Variants in DDX19A observed in about 807,000 individuals in gnomAD.
DDX19A encodes DEAD-box helicase 19A.
Under a neutral mutation model 60.6 loss-of-function variants are expected in DDX19A, and 12 were observed. That is an observed-to-expected ratio of 0.20 (90% CI 0.13 to 0.32). DDX19A has a LOEUF of 0.32. DDX19A is among the 10% of genes least tolerant of loss of function. DDX19A has a pLI of 1.00. For synonymous variants in DDX19A, 206 were observed against 218.2 expected (o/e 0.94, Z 0.49); for missense variants, 337 against 600.6 (o/e 0.56, Z 4.59).
Position 70,366,819 on chromosome 16 carries a change from C to G in DDX19A, c.978C>G (p.Leu326=), listed in dbSNP as rs762032339. 7.4e-6 allele frequency: 12 copies of G among 1,614,068 alleles called. No homozygotes were observed. The highest frequency in any genetic ancestry group is 1.0e-5 in the Non-Finnish European group (12 of 1,179,932). The change falls in exon 9 of 12, where the codon CTC becomes CTG. Residue 326 remains leucine (L), a synonymous_variant. Coordinates refer to ENST00000302243, the MANE Select transcript of DDX19A (RefSeq NM_018332.5). ...AGAAGTTCCAGGCCTTGTGTAACCT[C>G]TACGGGGCCATCACCATTGCTCAAG... ...RDEKFQALCN[L]YGAITIAQAM...
At chr16:70,362,205 A>T (rs1964383469) in intron 5 of DDX19A, among the ~76,000 whole-genome samples, 1 of 148,568 alleles carries the variant, frequency 6.7e-6, no homozygotes, top group South Asian at 2.1e-4. Context: ...AAAATACAAC[A>T]ATTAGCCTGG....
chr16:70,356,393 G>T, intron 4 of DDX19A, 146 bp downstream of exon 4: 4 of 1,311,004 alleles, frequency 3.1e-6, no homozygotes, highest in Non-Finnish European at 4.1e-6. Context: ...TTTCGCTCCT[G>T]TTGCCCAGCC....
rs775133048 is a variant in DDX19A, at chr16:70,372,027, C to G, written c.*41C>G. 2 of 1,613,906 alleles carry G rather than the reference C, an allele frequency of 1.2e-6. No homozygotes were observed. Among genetic ancestry groups the G allele is most frequent in the East Asian group, 2.2e-5 (1 of 44,884 alleles). On this transcript the variant is annotated 3_prime_UTR_variant, in exon 12 of 12. Transcript: ENST00000302243. ...ACTGATGCCAGCCCTGGCACTGCCCCTGCACAGGAGACAAGTGCATTTAGG... is the reference window on the plus strand; with the variant it reads ...ACTGATGCCAGCCCTGGCACTGCCCGTGCACAGGAGACAAGTGCATTTAGG...
intron 4 of DDX19A, chr16:70,356,776 T>C: frequency 1.3e-6 from 1 of 783,930 alleles, no homozygotes; most frequent in Non-Finnish European, 1.8e-6. Context: ...CCTGTTCTCT[T>C]GGTAGGAATT....
intron 5 of DDX19A, 70 bp downstream of exon 5, chr16:70,361,580 G>C: frequency 7.7e-7 from 1 of 1,297,128 alleles, no homozygotes; most frequent in Non-Finnish European, 1.1e-6. Context: ...GCGTTTTTGT[G>C]CCTGAGAACA....
chr16:70,368,936 G>A (rs770373480), intron 9 of DDX19A, among the ~76,000 whole-genome samples: 55 of 152,102 alleles, frequency 3.6e-4, no homozygotes, highest in East Asian at 7.7e-4. Context: ...GTGCAATCTC[G>A]GTTCACCACA....
At chr16:70,371,638 C>T (rs952598076) in intron 11 of DDX19A, 75 bp downstream of exon 11, 13 of 766,286 alleles carry the variant, frequency 1.7e-5, no homozygotes, top group Non-Finnish European at 2.7e-5. Context: ...GTAGGATCTT[C>T]TGTAGCCCCA....
chr16:70,356,843 TA>T (rs1398501103), intron 4 of DDX19A: 6 of 1,249,270 alleles, frequency 4.8e-6, no homozygotes, highest in Non-Finnish European at 6.2e-6. Context: ...CTTATACTCT[TA>T]GAACTTTCAA....
At chr16:70,366,525 C>A in intron 8 of DDX19A, 99 bp from the exon 9 acceptor site, 1 of 1,511,582 alleles carries the variant, frequency 6.6e-7, no homozygotes, top group Non-Finnish European at 9.0e-7. Flanking sequence ...CCTCCCCCAT[C>A]AGCCTTCCTG....
At chr16:70,355,909 C>A in intron 3 of DDX19A, 1 of 662,526 alleles carries the variant, frequency 1.5e-6, no homozygotes, top group Non-Finnish European at 2.5e-6. Context: ...CTACAGTGAG[C>A]TCTGATTGCT....
In DDX19A at chr16:70,366,560, G is replaced by A. The variant is rs572392087; in HGVS notation, c.783-64G>A. The A allele has an allele frequency of 3.3e-4, 533 of 1,601,960 alleles. No homozygotes were observed. In the African/African-American group the frequency reaches 4.0e-3, roughly 12 times the overall value. On this transcript the variant is annotated intron_variant, in intron 8 of 11. Coordinates refer to ENST00000302243, the MANE Select transcript of DDX19A (RefSeq NM_018332.5). ...GGGCATCTAGACCCTCCCAGCTGGG[G>A]AGGCTGTGCTTCCGTTGCTTCCCAG...
chr16:70,352,751 T>C (rs1419776097), intron 2 of DDX19A, among the ~76,000 whole-genome samples: 1 of 151,810 alleles, frequency 6.6e-6, no homozygotes, highest in East Asian at 2.0e-4. Context: ...ATTCTCCTGC[T>C]TCAGCCTTCC....
At chr16:70,360,170 C>G (rs996694178) in intron 4 of DDX19A, among the ~76,000 whole-genome samples, 1 of 151,774 alleles carries the variant, frequency 6.6e-6, no homozygotes, top group Non-Finnish European at 1.5e-5. Context: ...AATCCTAGCT[C>G]CTCAGAAGGC....
At chr16:70,371,107 CA>C (rs373604117) in intron 10 of DDX19A, 41 of 605,904 alleles carry the variant, frequency 6.8e-5, no homozygotes, top group African/African-American at 6.1e-4. Context: ...CCTACTCTTC[CA>C]GGGGCGCCCA....
At chr16:70,351,533 T>G (rs777436207) in intron 2 of DDX19A, among the ~76,000 whole-genome samples, 1 of 151,764 alleles carries the variant, frequency 6.6e-6, no homozygotes, top group African/African-American at 2.4e-5. Context: ...TTATTTATTT[T>G]TATTTTTTTT....
At chr16:70,359,306 C>A (rs1242842578) in intron 4 of DDX19A, among the ~76,000 whole-genome samples, 1 of 152,142 alleles carries the variant, frequency 6.6e-6, no homozygotes, top group Non-Finnish European at 1.5e-5. Context: ...AGCATTTTCT[C>A]CCAAATGGAA....
At chr16:70,365,208 G>A (rs1328973237) in intron 7 of DDX19A, 77 bp downstream of exon 7, 11 of 943,140 alleles carry the variant, frequency 1.2e-5, no homozygotes, top group African/African-American at 3.3e-5. Context: ...TGCGATGACC[G>A]TATTCAACTT....
At chr16:70,370,951 C>T (rs35676543) in intron 10 of DDX19A, 81,516 of 261,596 alleles carry the variant, frequency 0.31, 14,947 homozygotes, top group Non-Finnish European at 0.38. Context: ...AGTGAGATCG[C>T]GCCATTGCAC....
intron 4 of DDX19A, among the ~76,000 whole-genome samples, chr16:70,357,366 G>GTTTTTGTTTTTT (rs1964237287): frequency 4.5e-5 from 2 of 44,596 alleles, no homozygotes; most frequent in African/African-American, 8.9e-5. Flanking sequence ...TTTTTGGTTT[G>GTTTTTGTTTTTT]TTTTTTTTTT....
Sources: gnomAD v4.1 joint callset for allele counts (sites outside exome capture counted in the v4.1 genomes callset) on GRCh38, gnomAD v4.1.1 for gene constraint, MANE v1.5 for transcripts, NCBI Gene and HGNC (gene_info 2026-07-23, HGNC 2026-07-21) for gene names.